The following PDCD10 variants were observed in gnomAD, a reference collection of about 807,000 sequenced individuals.
The protein encoded by PDCD10 is programmed cell death 10.
PDCD10 carries 4 observed loss-of-function variants against 29.2 expected under a neutral mutation model. The ratio of observed to expected loss-of-function variants is 0.14; its 90% CI spans 0.07 to 0.31. The LOEUF is 0.31. Among genes scored for constraint, PDCD10 ranks in the 10% least tolerant of loss-of-function variants. The probability of loss-of-function intolerance (pLI) is 1.00; values close to 1 mark genes in which losing one functional copy is unlikely to be tolerated. For missense variants in PDCD10, 183 were observed against 257.9 expected, an observed-to-expected ratio of 0.71 and a Z score of 1.99; for synonymous variants, 70 against 82.2, an observed-to-expected ratio of 0.85 and a Z score of 0.80.
At chr3:167,713,770 G>T (rs1722751568) in intron 3 of PDCD10, among the ~76,000 whole-genome samples, 1 of 151,880 alleles carries the variant, frequency 6.6e-6, no homozygotes, top group African/African-American at 2.4e-5. Flanking sequence ...GCTACTATGA[G>T]CCACAGTATG....
At chr3:167,697,884 T>C in intron 4 of PDCD10, 2 of 455,610 alleles carry the variant, frequency 4.4e-6, no homozygotes. Context: ...TTTCAGTTTT[T>C]CCCAGTAAAT....
At chr3:167,711,580 G>C (rs996732390) in intron 3 of PDCD10, among the ~76,000 whole-genome samples, 1 of 152,170 alleles carries the variant, frequency 6.6e-6, no homozygotes, top group African/African-American at 2.4e-5. Flanking sequence ...GGTAGAAAAA[G>C]AGATAAGGGT....
intron 2 of PDCD10, among the ~76,000 whole-genome samples, chr3:167,731,250 A>G (rs1724776569): frequency 6.6e-6 from 1 of 152,186 alleles, no homozygotes; most frequent in African/African-American, 2.4e-5. Flanking sequence ...AGTTTCTTCC[A>G]TGTCTATATT....
At position 167,689,995 on chromosome 3, in the gene PDCD10, C is replaced by T. The variant is rs1386544829; in HGVS notation, c.396-2302G>A. 5.3e-5 allele frequency among the ~76,000 whole-genome samples: 8 copies of T among 152,118 alleles called. No homozygotes were observed. The South Asian group carries it at 1.5e-3, about 28-fold the overall frequency. On this transcript the variant is annotated intron_variant, in intron 6 of 8. Coordinates refer to ENST00000392750, the MANE Select transcript of PDCD10 (RefSeq NM_007217.4). ...TAACTACCAGAGAGTTTGTTTCCTA[C>T]GAGAGAAAATACCAGGACAAAAAAA...
In PDCD10 at chr3:167,684,023, C is replaced by A. The variant is rs190941416; in HGVS notation, c.*285G>T. 2.4e-3 allele frequency: 665 copies of A among 275,274 alleles called. 3 individuals carry two copies. The highest frequency in any genetic ancestry group is 3.6e-3 in the Non-Finnish European group (507 of 140,690). 17.1% of individuals were successfully genotyped at this position (275,274 alleles called of 1,614,324 possible). A position where few individuals can be genotyped will look rare whatever the true frequency, so the allele number is the denominator to read the frequency against. ...GAAACAAACACCAATATTTACAATT[C>A]TTTTAAGGAATGTTATATAATGACA... is the stretch of plus-strand genomic sequence containing the variant. On this transcript the variant is annotated 3_prime_UTR_variant, in exon 9 of 9. Transcript: ENST00000392750.
intron 2 of PDCD10, 47 bp downstream of exon 2, chr3:167,734,167 T>A (rs1669239244): frequency 6.6e-6 from 1 of 152,106 alleles, no homozygotes; most frequent in Non-Finnish European, 1.5e-5. Context: ...CTCATCAGCA[T>A]CCCAAAATGA....
Position 167,725,761 on chromosome 3 carries a change from GTTTATATATATATATATATATA to G in PDCD10, c.-116-5510_-116-5489del, listed in dbSNP as rs1224846481. ...GTATATAGCACTTTACCATTGTATCGTTTATATATATATATATATATATATATATATATATATATATATATAT... is the reference window on the plus strand; with the variant it reads ...GTATATAGCACTTTACCATTGTATCGTATATATATATATATATATATATAT... On this transcript the variant is annotated intron_variant, in intron 2 of 8. Transcript: ENST00000392750. Among the ~76,000 whole-genome samples, 13 of 54,720 alleles carry G rather than the reference GTTTATATATATATATATATATA, an allele frequency of 2.4e-4. No homozygotes were observed. The East Asian group carries it at 5.9e-3, about 25-fold the overall frequency. 35.9% of individuals were successfully genotyped at this position (54,720 alleles called of 152,430 possible). A position where few individuals can be genotyped will look rare whatever the true frequency, so the allele number is the denominator to read the frequency against.
intron 3 of PDCD10, among the ~76,000 whole-genome samples, chr3:167,708,510 A>G (rs1722221772): frequency 6.6e-6 from 1 of 152,204 alleles, no homozygotes; most frequent in South Asian, 2.1e-4. Flanking sequence ...TGTTGATCTT[A>G]TTTCTTAAAA....
At chr3:167,691,332 AG>A (rs1209589403) in intron 6 of PDCD10, among the ~76,000 whole-genome samples, 5 of 152,230 alleles carry the variant, frequency 3.3e-5, no homozygotes, top group African/African-American at 1.2e-4. Context: ...TCAAATGGTT[AG>A]GAAGTAAATT....
chr3:167,725,591 C>G (rs1227433631), intron 2 of PDCD10: 5 of 151,636 alleles, frequency 3.3e-5, no homozygotes, highest in African/African-American at 1.2e-4. Flanking sequence ...ATTACATCTT[C>G]TATAATTCAA....
At chr3:167,710,924 G>T (rs929278200) in intron 3 of PDCD10, among the ~76,000 whole-genome samples, 17 of 152,234 alleles carry the variant, frequency 1.1e-4, no homozygotes, top group African/African-American at 3.9e-4. Context: ...GGAATCCAGA[G>T]AATTCTTCCA....
chr3:167,691,348 T>G (rs370009594), intron 6 of PDCD10, among the ~76,000 whole-genome samples: 1 of 152,196 alleles, frequency 6.6e-6, no homozygotes, highest in African/African-American at 2.4e-5. Flanking sequence ...TAAATTTTCA[T>G]TGCCACCATT....
chr3:167,713,571 A>T (rs6793169), intron 3 of PDCD10, among the ~76,000 whole-genome samples: 34,727 of 151,734 alleles, frequency 0.23, 4,164 homozygotes, highest in Non-Finnish European at 0.26. Flanking sequence ...AAGATCAGAG[A>T]TAAATGAAAT....
chr3:167,734,613 G>C (rs983133709), intron 1 of PDCD10, 49 bp downstream of exon 1: 1 of 152,430 alleles, frequency 6.6e-6, no homozygotes, highest in African/African-American at 2.4e-5. Context: ...CCGGCAGGCG[G>C]CATTTACAAA....
chr3:167,684,148 T>C lies in PDCD10; in HGVS notation c.*160A>G. ...TGTGAGATTATGATTAAGCTACATT[T>C]TACAAAAATATGGTGTAAGATGGCA... On this transcript the variant is annotated 3_prime_UTR_variant, in exon 9 of 9. Coordinates refer to ENST00000392750, the MANE Select transcript of PDCD10 (RefSeq NM_007217.4). 1.7e-6 allele frequency: 1 copy of C among 579,820 alleles called. No homozygotes were observed. 35.9% of individuals were successfully genotyped at this position (579,820 alleles called of 1,614,324 possible).
At chr3:167,717,363 A>G (rs1723124228) in intron 3 of PDCD10, among the ~76,000 whole-genome samples, 1 of 152,040 alleles carries the variant, frequency 6.6e-6, no homozygotes, top group African/African-American at 2.4e-5. Context: ...TTTAACTCTT[A>G]CAATACACTG....
chr3:167,732,526 G>T (rs1013929302), intron 2 of PDCD10, among the ~76,000 whole-genome samples: 3 of 151,970 alleles, frequency 2.0e-5, no homozygotes, highest in Non-Finnish European at 4.4e-5. Flanking sequence ...CAGTACCGCA[G>T]CATGTGACTG....
intron 3 of PDCD10, among the ~76,000 whole-genome samples, chr3:167,709,747 C>T (rs183893274): frequency 1.3e-5 from 2 of 152,072 alleles, no homozygotes; most frequent in African/African-American, 4.8e-5. Context: ...ACCCACCAGA[C>T]AGGGCGACCA....
At chr3:167,688,669 TCA>T (rs997612870) in intron 6 of PDCD10, among the ~76,000 whole-genome samples, 6 of 152,174 alleles carry the variant, frequency 3.9e-5, no homozygotes, top group Non-Finnish European at 7.4e-5. Flanking sequence ...ACCTTCTTTT[TCA>T]CAGTCATTCT....
Sources: allele counts gnomAD v4.1 joint callset (sites outside exome capture counted in the v4.1 genomes callset), GRCh38; gene constraint gnomAD v4.1.1; transcripts MANE v1.5; gene names NCBI Gene and HGNC (gene_info 2026-07-23, HGNC 2026-07-21).